CNTNAP4: variants seen among roughly 807,000 people sequenced by gnomAD.
CNTNAP4 encodes the protein contactin-associated protein-like 4.
In CNTNAP4, 98 loss-of-function variants were observed where a neutral mutation model predicts 148.4. That is an observed-to-expected ratio of 0.66 (90% CI 0.56 to 0.78). The LOEUF (loss-of-function observed/expected upper bound fraction) is 0.78, where lower values mean the gene tolerates loss of function less well. Ranked by LOEUF, CNTNAP4 falls within the 30% of genes least tolerant of loss-of-function variation. The pLI, the probability that CNTNAP4 is intolerant of heterozygous loss-of-function variation, is 0.00. For synonymous variants in CNTNAP4, 730 were observed against 565.1 expected (o/e 1.29, Z -4.14); for missense variants, 1,935 against 1,565.6 (o/e 1.24, Z -3.98).
intron 3 of CNTNAP4, among the ~76,000 whole-genome samples, chr16:76,378,236 A>T (rs904157679): frequency 3.3e-5 from 5 of 152,182 alleles, no homozygotes; most frequent in African/African-American, 1.2e-4. Flanking sequence ...TTATTGCACA[A>T]TATATCCATG....
rs56664519 is a variant in CNTNAP4 at position 76,347,137 on chromosome 16, T to TTGTGTGTGTG, written c.197-8161_197-8152dup. Among the ~76,000 whole-genome samples, 500 of 149,558 alleles carry TTGTGTGTGTG rather than the reference T, an allele frequency of 3.3e-3. 1 individual carries two copies. The highest frequency in any genetic ancestry group is 0.012 in the African/African-American group (471 of 40,574). ...AGCTGTGTAGGTGTGAGGCAATTGG[T>TTGTGTGTGTG]TGTGTGTGTGTGTGTGTGTGTGTGT... On this transcript the variant is annotated intron_variant, in intron 2 of 23. Coordinates refer to ENST00000611870, the MANE Select transcript of CNTNAP4 (RefSeq NM_033401.5).
chr16:76,326,926 G>A (rs534536759), intron 2 of CNTNAP4, among the ~76,000 whole-genome samples: 1 of 151,426 alleles, frequency 6.6e-6, no homozygotes, highest in African/African-American at 2.4e-5. Context: ...TTGTGCACAT[G>A]TACCCTAAAA....
At chr16:76,445,632 T>C (rs2080210306) in intron 4 of CNTNAP4, among the ~76,000 whole-genome samples, 1 of 152,056 alleles carries the variant, frequency 6.6e-6, no homozygotes, top group South Asian at 2.1e-4. Context: ...GCACAAAAGC[T>C]TTAGGTGCCA....
chr16:76,352,555 A>G (rs573358450), intron 2 of CNTNAP4, among the ~76,000 whole-genome samples: 5 of 152,314 alleles, frequency 3.3e-5, no homozygotes, highest in South Asian at 4.1e-4. Flanking sequence ...GGATGAGGGC[A>G]AAGTGTTCAA....
chr16:76,454,448 A>G (rs1039195739), intron 8 of CNTNAP4, among the ~76,000 whole-genome samples: 4 of 152,222 alleles, frequency 2.6e-5, no homozygotes, highest in Non-Finnish European at 5.9e-5. Flanking sequence ...AAATTCATGT[A>G]TAATATAATC....
rs548978576 is a variant in CNTNAP4 at position 76,314,416 on chromosome 16, G to C, written c.86-1997G>C. ...CATTCACGAAAGTAGGAGGAATAATGCGGTCACCCTTGGTACAAATACTTG... is the reference window on the plus strand; with the variant it reads ...CATTCACGAAAGTAGGAGGAATAATCCGGTCACCCTTGGTACAAATACTTG... On this transcript the variant is annotated intron_variant, in intron 1 of 23. Transcript: ENST00000611870. 2.6e-5 allele frequency among the ~76,000 whole-genome samples: 4 copies of C among 152,294 alleles called. No homozygotes were observed. The South Asian group carries it at 6.2e-4, about 24-fold the overall frequency.
Position 76,277,547 on chromosome 16 carries a change from GAC to G in CNTNAP4, c.-114_-113del. On this transcript the variant is annotated 5_prime_UTR_variant, in exon 1 of 24. Coordinates refer to ENST00000611870, the MANE Select transcript of CNTNAP4 (RefSeq NM_033401.5). Reference sequence around the variant, plus strand: ...AGGTGAGGAGGAAGGGAGGGGGAGAGACAGAGACCTAGAGGGGCTGAAGACCC... The same window carrying G: ...AGGTGAGGAGGAAGGGAGGGGGAGAGAGAGACCTAGAGGGGCTGAAGACCC... 1 of 658,830 alleles carries G rather than the reference GAC, an allele frequency of 1.5e-6. No homozygotes were observed. The allele number at this position is 658,830 out of a possible 1,614,324, so 40.8% of individuals were successfully genotyped here. A position where few individuals can be genotyped will look rare whatever the true frequency, so the allele number is the denominator to read the frequency against.
At chr16:76,393,491 G>T (rs1322197069) in intron 3 of CNTNAP4, among the ~76,000 whole-genome samples, 1 of 152,136 alleles carries the variant, frequency 6.6e-6, no homozygotes, top group Non-Finnish European at 1.5e-5. Context: ...GTGTTGCTGA[G>T]TGTACAGAGA....
chr16:76,342,458 C>T (rs895242786), intron 2 of CNTNAP4, among the ~76,000 whole-genome samples: 2 of 143,192 alleles, frequency 1.4e-5, no homozygotes, highest in African/African-American at 2.6e-5. Flanking sequence ...TTATAAATTG[C>T]TAATTTCTTT....
intron 15 of CNTNAP4, among the ~76,000 whole-genome samples, chr16:76,515,853 G>A (rs2083226421): frequency 6.6e-6 from 1 of 151,956 alleles, no homozygotes; most frequent in South Asian, 2.1e-4. Context: ...TGAGAAATTG[G>A]ATCACTCATA....
intron 14 of CNTNAP4, 50 bp from the exon 15 acceptor site, chr16:76,498,517 A>G (rs775402628): frequency 6.4e-7 from 1 of 1,557,572 alleles, no homozygotes; most frequent in Non-Finnish European, 8.7e-7. Flanking sequence ...GCAATGCAAT[A>G]AGGACTATTA....
At chr16:76,315,879 G>T (rs1456335105) in intron 1 of CNTNAP4, among the ~76,000 whole-genome samples, 2 of 152,016 alleles carry the variant, frequency 1.3e-5, no homozygotes, top group African/African-American at 2.4e-5. Flanking sequence ...ACAGGTGTGA[G>T]CCACCACGCC....
chr16:76,319,442 A>T lies in CNTNAP4; in HGVS notation c.196+2919A>T, dbSNP rs149401057. Among the ~76,000 whole-genome samples the T allele has an allele frequency of 7.4e-4, 112 of 152,182 alleles. 2 individuals carry two copies. The East Asian group carries it at 0.015, about 20-fold the overall frequency. On this transcript the variant is annotated intron_variant, in intron 2 of 23. Coordinates refer to ENST00000611870, the MANE Select transcript of CNTNAP4 (RefSeq NM_033401.5). The stretch of plus-strand genomic sequence containing the variant: ...AGGATTACCATTAAACATACTTTCC[A>T]TTCGAAGTATGCTAATTTAATTTTG...
rs759580311 is a variant in CNTNAP4 at position 76,548,295 on chromosome 16, C to CATTT, written c.3443-4988_3443-4987insATTT. Among the ~76,000 whole-genome samples, 166 of 92,936 alleles carry CATTT rather than the reference C, an allele frequency of 1.8e-3. 16 individuals carry two copies. The highest frequency in any genetic ancestry group is 2.3e-3 in the African/African-American group (57 of 24,550). 61.0% of individuals were successfully genotyped at this position (92,936 alleles called of 152,430 possible). On this transcript the variant is annotated intron_variant, in intron 21 of 23. Transcript: ENST00000611870. ...CCCTGGCTCTCTTGATTCACTGCAC[C>CATTT]TTTTTTTTTTTTTTTTTTTTTTTTG...
At chr16:76,453,680 A>G (rs986029241) in intron 8 of CNTNAP4, among the ~76,000 whole-genome samples, 8 of 152,202 alleles carry the variant, frequency 5.3e-5, no homozygotes, top group Admixed American at 4.6e-4. Context: ...GGAGAAAAAA[A>G]TGAGAAGTTA....
rs116749417 is a variant in CNTNAP4, at chr16:76,330,236, T to C, written c.196+13713T>C. On this transcript the variant is annotated intron_variant, in intron 2 of 23. Transcript: ENST00000611870. ...AATTCTTAGAATCTCCTTTTATTTC[T>C]CCCTTGATCCCTCCTTCTGAAAAAG... 6.7e-3 allele frequency among the ~76,000 whole-genome samples: 1,017 copies of C among 152,276 alleles called. 17 individuals carry two copies. Among genetic ancestry groups the C allele is most frequent in the African/African-American group, 0.022 (934 of 41,560 alleles).
At chr16:76,292,566 A>G (rs1257911991) in intron 1 of CNTNAP4, among the ~76,000 whole-genome samples, 1 of 152,136 alleles carries the variant, frequency 6.6e-6, no homozygotes, top group Non-Finnish European at 1.5e-5. Context: ...TTCGGTTGTA[A>G]CCATCAGCCT....
intron 17 of CNTNAP4, among the ~76,000 whole-genome samples, chr16:76,528,466 A>G (rs919771512): frequency 1.3e-5 from 2 of 152,050 alleles, no homozygotes; most frequent in Non-Finnish European, 2.9e-5. Flanking sequence ...CAGTCTCCCT[A>G]TGTGCCCAGG....
chr16:76,395,361 G>T (rs1039889878), intron 3 of CNTNAP4, among the ~76,000 whole-genome samples: 6 of 151,868 alleles, frequency 4.0e-5, no homozygotes, highest in Non-Finnish European at 7.4e-5. Context: ...TGCCTCCAGG[G>T]TTCAAGCAAT....
Sources: gnomAD v4.1 joint callset for allele counts (sites outside exome capture counted in the v4.1 genomes callset) on GRCh38, gnomAD v4.1.1 for gene constraint, MANE v1.5 for transcripts, NCBI Gene and HGNC (gene_info 2026-07-23, HGNC 2026-07-21) for gene names.